The following ZBTB7C variants were observed in gnomAD, a reference collection of about 807,000 sequenced individuals.
The protein encoded by ZBTB7C is zinc finger and BTB domain containing 7C.
Under a neutral mutation model 25.7 loss-of-function variants are expected in ZBTB7C, and 8 were observed. The ratio of observed to expected loss-of-function variants is 0.31; its 90% confidence interval spans 0.18 to 0.56. ZBTB7C has a LOEUF of 0.56. ZBTB7C is among the 20% of genes least tolerant of loss of function. The probability of loss-of-function intolerance (pLI) is 0.91; values close to 1 mark genes in which losing one functional copy is unlikely to be tolerated. For missense variants in ZBTB7C, 824 were observed against 855.2 expected (o/e 0.96, Z 0.46); for synonymous variants, 394 against 369.0 (o/e 1.07, Z -0.78).
At position 48,202,690 on chromosome 18, in the gene ZBTB7C, C is replaced by T. The variant is rs767785071; in HGVS notation, c.-78-16695G>A. On this transcript the variant is annotated intron_variant, in intron 2 of 4. Transcript: ENST00000590800. ...ATTGCTTCCTCCCCCACCCCACCCC[C>T]GCCGCACGCAGGCCATGGGAGGACA... Among the ~76,000 whole-genome samples, 349 of 152,096 alleles carry T rather than the reference C, an allele frequency of 2.3e-3. 6 individuals are homozygous for T. Among genetic ancestry groups the T allele is most frequent in the Non-Finnish European group, 1.8e-3 (124 of 67,968 alleles).
chr18:48,094,915 G>A (rs1416392276), intron 3 of ZBTB7C, among the ~76,000 whole-genome samples: 1 of 152,144 alleles, frequency 6.6e-6, no homozygotes, highest in Non-Finnish European at 1.5e-5. Context: ...GGTGATAAAA[G>A]GCAGTGTCCA....
chr18:48,174,719 C>T (rs560448954), intron 3 of ZBTB7C, among the ~76,000 whole-genome samples: 21 of 152,260 alleles, frequency 1.4e-4, no homozygotes, highest in African/African-American at 4.1e-4. Context: ...GTGAGGAAGA[C>T]CTCTATGGGC....
chr18:48,405,023 A>G (rs919509884), intron 1 of ZBTB7C, among the ~76,000 whole-genome samples: 20 of 152,176 alleles, frequency 1.3e-4, no homozygotes, highest in African/African-American at 4.3e-4. Flanking sequence ...AGCCCCTGAG[A>G]CAGTTCTGAT....
intron 3 of ZBTB7C, among the ~76,000 whole-genome samples, chr18:48,147,052 G>C (rs2040515907): frequency 6.6e-6 from 1 of 152,154 alleles, no homozygotes; most frequent in African/African-American, 2.4e-5. Context: ...GCTTCTGATG[G>C]AGTTGCTTCA....
intron 2 of ZBTB7C, among the ~76,000 whole-genome samples, chr18:48,207,734 G>A (rs976149062): frequency 6.6e-6 from 1 of 152,162 alleles, no homozygotes; most frequent in African/African-American, 2.4e-5. Flanking sequence ...GATTACAGGT[G>A]TGGGCCACCA....
chr18:48,105,121 C>T (rs12326262), intron 3 of ZBTB7C, among the ~76,000 whole-genome samples: 24,821 of 152,180 alleles, frequency 0.16, 2,269 homozygotes, highest in Non-Finnish European at 0.21. Context: ...CCAGTCCTTT[C>T]GTTTCTGTCC....
rs567928529 is a variant in ZBTB7C at position 48,073,712 on chromosome 18, C to T, written c.-16-32589G>A. The stretch of plus-strand genomic sequence containing the variant: ...AGGGCTGAGTCTGGCTGTGGCTGGC[C>T]GGCTGGCCTCCGCCCTGGCTCCCCA... On this transcript the variant is annotated intron_variant, in intron 3 of 4. Transcript: ENST00000590800. Among the ~76,000 whole-genome samples, 19 of 152,208 alleles carry T rather than the reference C, an allele frequency of 1.2e-4. No individual in the cohort carries two copies. The East Asian group carries it at 3.3e-3, about 26-fold the overall frequency.
At chr18:48,328,689 C>T (rs1295706163) in intron 2 of ZBTB7C, among the ~76,000 whole-genome samples, 1 of 152,120 alleles carries the variant, frequency 6.6e-6, no homozygotes, top group Non-Finnish European at 1.5e-5. Flanking sequence ...ACGCCTATCT[C>T]CTGACTCACA....
chr18:48,228,118 G>C (rs2043151876), intron 2 of ZBTB7C, among the ~76,000 whole-genome samples: 2 of 152,156 alleles, frequency 1.3e-5, no homozygotes, highest in Non-Finnish European at 1.5e-5. Flanking sequence ...GTTAGATGGG[G>C]CAGGAAGCAT....
chr18:48,145,034 T>C (rs7238859), intron 3 of ZBTB7C, among the ~76,000 whole-genome samples: 25,384 of 152,108 alleles, frequency 0.17, 2,217 homozygotes, highest in South Asian at 0.24. Context: ...GCCTCTGCTC[T>C]AGAATCTGGG....
chr18:48,114,920 G>A (rs2039377337), intron 3 of ZBTB7C, among the ~76,000 whole-genome samples: 2 of 152,134 alleles, frequency 1.3e-5, no homozygotes, highest in Non-Finnish European at 2.9e-5. Context: ...GGGAAAATAT[G>A]TATATAACAT....
chr18:48,374,593 T>A (rs1162353329), intron 1 of ZBTB7C, among the ~76,000 whole-genome samples: 1 of 152,196 alleles, frequency 6.6e-6, no homozygotes, highest in South Asian at 2.1e-4. Flanking sequence ...CCCAGAAGCC[T>A]CCACTCAGAG....
intron 2 of ZBTB7C, among the ~76,000 whole-genome samples, chr18:48,269,328 C>A (rs1274211825): frequency 6.6e-6 from 1 of 152,156 alleles, no homozygotes; most frequent in Non-Finnish European, 1.5e-5. Context: ...GTACCAGGCT[C>A]CCTCAGGCCT....
At chr18:48,084,551 C>T (rs2038115101) in intron 3 of ZBTB7C, among the ~76,000 whole-genome samples, 1 of 152,162 alleles carries the variant, frequency 6.6e-6, no homozygotes, top group Admixed American at 6.5e-5. Context: ...CCTGGACCCA[C>T]AGTATGCCTG....
At chr18:48,366,322 T>A (rs1443157848) in intron 1 of ZBTB7C, among the ~76,000 whole-genome samples, 1 of 152,150 alleles carries the variant, frequency 6.6e-6, no homozygotes, top group Non-Finnish European at 1.5e-5. Context: ...AAACAAAAAA[T>A]GAAACTATAG....
At chr18:48,263,379 C>T (rs774669489) in intron 2 of ZBTB7C, among the ~76,000 whole-genome samples, 13 of 152,240 alleles carry the variant, frequency 8.5e-5, no homozygotes, top group African/African-American at 1.2e-4. Context: ...CATCAGCAAC[C>T]TGAGGGCAGC....
At chr18:48,292,048 A>C (rs1351683619) in intron 2 of ZBTB7C, among the ~76,000 whole-genome samples, 1 of 152,022 alleles carries the variant, frequency 6.6e-6, no homozygotes, top group Middle Eastern at 3.2e-3. Flanking sequence ...AAATACAAAT[A>C]TTAGCTGGGC....
intron 4 of ZBTB7C, among the ~76,000 whole-genome samples, chr18:48,030,187 C>G (rs1283850475): frequency 2.0e-5 from 3 of 152,210 alleles, no homozygotes; most frequent in Non-Finnish European, 4.4e-5. Context: ...ATGAAACTCC[C>G]ACTCTATTAG....
At chr18:48,393,247 T>G (rs982025254) in intron 1 of ZBTB7C, among the ~76,000 whole-genome samples, 2 of 20,004 alleles carry the variant, frequency 1.0e-4, no homozygotes, top group Non-Finnish European at 2.1e-4. Context: ...CACTCCCACC[T>G]CCCCACCCCC....
Sources: allele counts gnomAD v4.1 joint callset (sites outside exome capture counted in the v4.1 genomes callset), GRCh38; gene constraint gnomAD v4.1.1; transcripts MANE v1.5; gene names NCBI Gene and HGNC (gene_info 2026-07-23, HGNC 2026-07-21).